NPAS3: variants seen among roughly 807,000 people sequenced by gnomAD.
The protein encoded by NPAS3 is neuronal PAS domain-containing protein 3.
Under a neutral mutation model 73.1 loss-of-function variants are expected in NPAS3, and 14 were observed. That is an observed-to-expected ratio of 0.19 (90% CI 0.13 to 0.30). NPAS3 has a LOEUF of 0.30. NPAS3 is among the 10% of genes least tolerant of loss of function. The pLI is 1.00. For synonymous variants in NPAS3, 620 were observed against 541.5 expected (o/e 1.14, Z -2.01); for missense variants, 1,096 against 1,250.0 (o/e 0.88, Z 1.86).
At chr14:33,679,106 GCTAGTGAGATTGAAAA>G (rs1394902132) in intron 6 of NPAS3, among the ~76,000 whole-genome samples, 1 of 152,136 alleles carries the variant, frequency 6.6e-6, no homozygotes, top group Non-Finnish European at 1.5e-5. Flanking sequence ...AGCCATCCTT[GCTAGTGAGATTGAAAA>G]CTCTGCCTTC....
intron 5 of NPAS3, chr14:33,581,966 C>T (rs188096723): frequency 1.4e-4 from 21 of 152,254 alleles, no homozygotes; most frequent in Admixed American, 1.4e-3. Context: ...TTTAACCAGG[C>T]TTAGATTATT....
Position 33,434,530 on chromosome 14 carries a change from A to C in NPAS3, c.468+67262A>C, listed in dbSNP as rs1006630573. On this transcript the variant is annotated intron_variant, in intron 4 of 11. Coordinates refer to ENST00000356141, the Ensembl canonical transcript of NPAS3. ...TGACAGCAAGACCCCATCTCAAAAA[A>C]AAAAAAATCCATAGTTAACAATGAA... Among the ~76,000 whole-genome samples the C allele has an allele frequency of 2.8e-4, 43 of 152,234 alleles. 1 individual carries two copies. The highest frequency in any genetic ancestry group is 2.6e-3 in the Admixed American group (39 of 15,290).
intron 4 of NPAS3, among the ~76,000 whole-genome samples, chr14:33,520,718 C>T (rs999313854): frequency 1.3e-5 from 2 of 152,014 alleles, no homozygotes; most frequent in Non-Finnish European, 2.9e-5. Flanking sequence ...ATAATTTATC[C>T]GTTTTCATTT....
intron 2 of NPAS3, among the ~76,000 whole-genome samples, chr14:33,211,257 C>T (rs1364281142): frequency 6.6e-6 from 1 of 152,302 alleles, no homozygotes; most frequent in Admixed American, 6.5e-5. Flanking sequence ...GGCTGGCTAG[C>T]TTCACAATCC....
chr14:33,208,621 T>C (rs1463904527), intron 2 of NPAS3, among the ~76,000 whole-genome samples: 1 of 152,204 alleles, frequency 6.6e-6, no homozygotes, highest in Non-Finnish European at 1.5e-5. Flanking sequence ...TGACATTTTT[T>C]TAAGCAATCA....
intron 4 of NPAS3, among the ~76,000 whole-genome samples, chr14:33,380,719 G>A (rs1221888716): frequency 6.6e-6 from 1 of 152,134 alleles, no homozygotes; most frequent in Non-Finnish European, 1.5e-5. Flanking sequence ...TGTTCTGGAT[G>A]AATAAAATGT....
chr14:33,690,672 A>G (rs149570468), intron 6 of NPAS3, among the ~76,000 whole-genome samples: 358 of 150,902 alleles, frequency 2.4e-3, no homozygotes, highest in Non-Finnish European at 4.5e-3. Context: ...CTCAAATACA[A>G]GAGTCATTTC....
chr14:33,656,808 A>G (rs963501918), intron 5 of NPAS3, among the ~76,000 whole-genome samples: 3 of 152,162 alleles, frequency 2.0e-5, no homozygotes, highest in African/African-American at 4.8e-5. Context: ...GATCTCTAGA[A>G]CTTATTCTGT....
chr14:33,218,685 T>A (rs2047314512), intron 3 of NPAS3, among the ~76,000 whole-genome samples: 1 of 152,202 alleles, frequency 6.6e-6, no homozygotes, highest in African/African-American at 2.4e-5. Context: ...TACATTGTGG[T>A]GGCAACATTT....
chr14:33,521,179 T>G (rs2053537923), intron 4 of NPAS3, among the ~76,000 whole-genome samples: 1 of 152,178 alleles, frequency 6.6e-6, no homozygotes, highest in South Asian at 2.1e-4. Flanking sequence ...TAGGGAGATC[T>G]GCAGGGCACT....
At chr14:33,211,123 T>G (rs1307079862) in intron 2 of NPAS3, among the ~76,000 whole-genome samples, 3 of 152,224 alleles carry the variant, frequency 2.0e-5, no homozygotes, top group East Asian at 1.9e-4. Flanking sequence ...TCATTTAACT[T>G]AATTCTAACG....
At chr14:33,394,574 C>CT (rs1245064142) in intron 4 of NPAS3, among the ~76,000 whole-genome samples, 1 of 152,060 alleles carries the variant, frequency 6.6e-6, no homozygotes, top group Non-Finnish European at 1.5e-5. Context: ...ATAGCTAGAA[C>CT]TTTTTTAGCT....
At chr14:33,149,815 T>G (rs2044379174) in intron 2 of NPAS3, among the ~76,000 whole-genome samples, 1 of 152,166 alleles carries the variant, frequency 6.6e-6, no homozygotes, top group Non-Finnish European at 1.5e-5. Context: ...CTTTAAGTTT[T>G]AGGATACATG....
intron 5 of NPAS3, among the ~76,000 whole-genome samples, chr14:33,635,150 T>G (rs1326418336): frequency 1.3e-5 from 2 of 152,202 alleles, no homozygotes; most frequent in African/African-American, 4.8e-5. Context: ...CATTGTGCCA[T>G]TTAAAGACAG....
At chr14:33,323,984 C>T (rs1308296148) in intron 3 of NPAS3, among the ~76,000 whole-genome samples, 1 of 152,178 alleles carries the variant, frequency 6.6e-6, no homozygotes, top group East Asian at 1.9e-4. Context: ...GACAACTGTA[C>T]ATTTGATTTT....
chr14:33,183,421 G>GGTTTT (rs2045868671), intron 2 of NPAS3, among the ~76,000 whole-genome samples: 2 of 60,764 alleles, frequency 3.3e-5, no homozygotes, highest in African/African-American at 1.9e-4. Flanking sequence ...GTGAGACTCT[G>GGTTTT]TTTTTTTTTT....
intron 2 of NPAS3, among the ~76,000 whole-genome samples, chr14:33,085,131 CA>C (rs2138753073): frequency 6.6e-6 from 1 of 152,224 alleles, no homozygotes; most frequent in African/African-American, 2.4e-5. Flanking sequence ...TCTTTGGTAC[CA>C]TGTTGCGTGA....
At chr14:33,329,197 T>C (rs1344298405) in intron 3 of NPAS3, among the ~76,000 whole-genome samples, 1 of 152,136 alleles carries the variant, frequency 6.6e-6, no homozygotes, top group Non-Finnish European at 1.5e-5. Flanking sequence ...AGCCCTGTTG[T>C]GGGTAAACAA....
chr14:32,971,884 T>G (rs574173307), intron 1 of NPAS3, among the ~76,000 whole-genome samples: 1 of 152,186 alleles, frequency 6.6e-6, no homozygotes, highest in Non-Finnish European at 1.5e-5. Flanking sequence ...TAGGTTAAAG[T>G]CTTGTCATTC....
Sources: allele counts gnomAD v4.1 joint callset (sites outside exome capture counted in the v4.1 genomes callset), GRCh38; gene constraint gnomAD v4.1.1; transcripts MANE v1.5; gene names NCBI Gene and HGNC (gene_info 2026-07-23, HGNC 2026-07-21).